NAV2: variants seen among roughly 807,000 people sequenced by gnomAD.
NAV2 encodes the protein helicase, APC down-regulated 1.
NAV2 carries 54 observed loss-of-function variants against 223.2 expected under a neutral mutation model. That is an observed-to-expected ratio of 0.24 (90% CI 0.19 to 0.30). NAV2 has a LOEUF of 0.30. Ranked by LOEUF, NAV2 falls within the 10% of genes least tolerant of loss-of-function variation. The pLI, the probability that NAV2 is intolerant of heterozygous loss-of-function variation, is 1.00. For synonymous variants in NAV2, 1,279 were observed against 1,239.3 expected (o/e 1.03, Z -0.67); for missense variants, 2,806 against 3,147.5 (o/e 0.89, Z 2.60).
chr11:19,943,387 A>G (rs1441971893), intron 8 of NAV2, among the ~76,000 whole-genome samples: 1 of 152,178 alleles, frequency 6.6e-6, no homozygotes, highest in Non-Finnish European at 1.5e-5. Flanking sequence ...TGCAAGTTTG[A>G]CCACTTTTCA....
At chr11:19,995,431 C>T (rs559756801) in intron 11 of NAV2, among the ~76,000 whole-genome samples, 176 of 152,286 alleles carry the variant, frequency 1.2e-3, no homozygotes, top group African/African-American at 4.0e-3. Context: ...GCTGGCATGC[C>T]GTGGGGCCCC....
At chr11:19,580,675 T>G (rs566709184) in intron 1 of NAV2, among the ~76,000 whole-genome samples, 1 of 152,352 alleles carries the variant, frequency 6.6e-6, no homozygotes, top group African/African-American at 2.4e-5. Flanking sequence ...GGCAATTTGA[T>G]TTATTTTCTT....
At chr11:19,885,088 C>T (rs1349543859) in intron 5 of NAV2, among the ~76,000 whole-genome samples, 2 of 152,190 alleles carry the variant, frequency 1.3e-5, no homozygotes, top group African/African-American at 2.4e-5. Context: ...ATTGCTTCTA[C>T]TGTTATTTTC....
intron 1 of NAV2, among the ~76,000 whole-genome samples, chr11:19,813,640 A>C (rs1428072692): frequency 6.6e-6 from 1 of 152,120 alleles, no homozygotes; most frequent in East Asian, 1.9e-4. Context: ...TGTGTAAGAA[A>C]ATCTGACCAC....
At chr11:19,891,740 T>C (rs1008680633) in intron 5 of NAV2, among the ~76,000 whole-genome samples, 32 of 152,142 alleles carry the variant, frequency 2.1e-4, no homozygotes, top group Non-Finnish European at 4.6e-4. Flanking sequence ...GTAATTCACC[T>C]TCTCACCACT....
chr11:19,926,180 T>C (rs2044733416), intron 6 of NAV2, among the ~76,000 whole-genome samples: 2 of 152,304 alleles, frequency 1.3e-5, no homozygotes, highest in South Asian at 2.1e-4. Context: ...CATTTGATTA[T>C]AAAAAAACCA....
intron 11 of NAV2, among the ~76,000 whole-genome samples, chr11:19,989,142 G>A (rs952194945): frequency 6.6e-6 from 1 of 152,176 alleles, no homozygotes; most frequent in Non-Finnish European, 1.5e-5. Context: ...CTAATCTCCA[G>A]AACCTGTGGA....
At chr11:19,803,660 G>C (rs1034183314) in intron 1 of NAV2, among the ~76,000 whole-genome samples, 6 of 152,246 alleles carry the variant, frequency 3.9e-5, no homozygotes, top group African/African-American at 1.4e-4. Flanking sequence ...ATGCTTGTGA[G>C]AGGAAACTGT....
chr11:19,731,484 G>T (rs1261058686), intron 1 of NAV2, among the ~76,000 whole-genome samples: 2 of 152,258 alleles, frequency 1.3e-5, no homozygotes, highest in Admixed American at 1.3e-4. Flanking sequence ...GCTAGTAGGG[G>T]AGAGAGGCAT....
At position 20,063,267 on chromosome 11, in the gene NAV2, C is replaced by T. The variant is rs149741910; in HGVS notation, c.4884+908C>T. On this transcript the variant is annotated intron_variant, in intron 20 of 37. Transcript: ENST00000349880. ...AGCACTCCTAAATGCTAGCTATCAT[C>T]CATGAGAGAGGTTTAGTAAACGAAA... is the stretch of plus-strand genomic sequence containing the variant. 4.5e-3 allele frequency among the ~76,000 whole-genome samples: 685 copies of T among 152,272 alleles called. 5 individuals carry two copies. The highest frequency in any genetic ancestry group is 0.016 in the African/African-American group (670 of 41,560).
At chr11:19,731,079 A>G (rs1308291662) in intron 1 of NAV2, among the ~76,000 whole-genome samples, 1 of 152,180 alleles carries the variant, frequency 6.6e-6, no homozygotes, top group Non-Finnish European at 1.5e-5. Context: ...TATGTGCTAG[A>G]TCTGATGACC....
intron 26 of NAV2, among the ~76,000 whole-genome samples, chr11:20,084,922 C>T (rs972436169): frequency 2.0e-5 from 3 of 152,198 alleles, no homozygotes; most frequent in African/African-American, 4.8e-5. Flanking sequence ...GGTGCAGTTA[C>T]TGTCGCCTGT....
rs879136580 is a variant in NAV2 at position 19,757,369 on chromosome 11, C to T, written c.267+43407C>T. On this transcript the variant is annotated intron_variant, in intron 1 of 37. Transcript: ENST00000349880. ...ACTCAAGCAGCATGGCAGAGTTTCT[C>T]CATACTGCCTCATAAGGTGTCCTCA... Among the ~76,000 whole-genome samples the T allele has an allele frequency of 7.9e-5, 12 of 152,246 alleles. No homozygotes were observed. In the East Asian group the frequency reaches 1.4e-3, roughly 17 times the overall value.
intron 1 of NAV2, among the ~76,000 whole-genome samples, chr11:19,473,041 C>G (rs753694486): frequency 3.3e-5 from 5 of 152,164 alleles, no homozygotes; most frequent in Non-Finnish European, 7.3e-5. Flanking sequence ...GCAGCCATGC[C>G]AGGAATGGAT....
In NAV2 at chr11:19,934,258, G is replaced by A. The variant is rs2045644280; in HGVS notation, c.2014G>A (p.Val672Ile). The change falls in exon 7 of 38, where the codon GTT becomes ATT. Residue 672 changes from valine to isoleucine, a missense_variant. By Grantham distance (29) the Val-to-Ile change is conservative. Transcript: ENST00000349880. ...QQYNHPNTATVAPFLYRSQTD... is the reference protein window; with the variant it reads ...QQYNHPNTATIAPFLYRSQTD... ...ATACAACCATCCCAACACTGCCACGGTTGCACCTTTCCTGTACAGGTAGGA... is the reference window on the plus strand; with the variant it reads ...ATACAACCATCCCAACACTGCCACGATTGCACCTTTCCTGTACAGGTAGGA... The A allele has an allele frequency of 6.2e-7, 1 of 1,600,288 alleles. No homozygotes were observed. Among genetic ancestry groups the A allele is most frequent in the Non-Finnish European group, 8.5e-7 (1 of 1,172,920 alleles).
At chr11:19,880,218 T>C in intron 5 of NAV2, 91 bp downstream of exon 5, 1 of 1,438,098 alleles carries the variant, frequency 7.0e-7, no homozygotes, top group Non-Finnish European at 9.2e-7. Context: ...GGCTTTTTCA[T>C]TTGTGCTTCT....
intron 11 of NAV2, among the ~76,000 whole-genome samples, chr11:20,026,610 A>G (rs1177838350): frequency 6.6e-6 from 1 of 152,158 alleles, no homozygotes; most frequent in African/African-American, 2.4e-5. Context: ...GTGCCTGGCC[A>G]GCTTGCTTAT....
chr11:19,357,517 G>T (rs960573263), intron 1 of NAV2, among the ~76,000 whole-genome samples: 1 of 152,118 alleles, frequency 6.6e-6, no homozygotes, highest in African/African-American at 2.4e-5. Flanking sequence ...AGTATTAAAT[G>T]ATATCTATTA....
chr11:19,910,571 A>G (rs939064824), intron 6 of NAV2, among the ~76,000 whole-genome samples: 9 of 152,242 alleles, frequency 5.9e-5, no homozygotes, highest in African/African-American at 1.9e-4. Context: ...AGAAAAAAAC[A>G]TAACTAGCCA....
Sources: allele counts gnomAD v4.1 joint callset (sites outside exome capture counted in the v4.1 genomes callset), GRCh38; gene constraint gnomAD v4.1.1; transcripts MANE v1.5; gene names NCBI Gene and HGNC (gene_info 2026-07-23, HGNC 2026-07-21).